Variants in NBEA observed in about 807,000 individuals in gnomAD.
NBEA encodes the protein neurobeachin, also known as lysosomal-trafficking regulator 2.
Under a neutral mutation model 343.4 loss-of-function variants are expected in NBEA, and 44 were observed. The observed-to-expected ratio is 0.13, with a 90% CI of 0.10 to 0.16. The LOEUF (loss-of-function observed/expected upper bound fraction) is 0.16, where lower values mean the gene tolerates loss of function less well. NBEA is among the 10% of genes least tolerant of loss of function. NBEA has a pLI of 1.00. For missense variants in NBEA, 2,555 were observed against 3,631.3 expected, an observed-to-expected ratio of 0.70 and a Z score of 7.62; for synonymous variants, 1,175 against 1,238.7, an observed-to-expected ratio of 0.95 and a Z score of 1.08.
chr13:35,431,106 T>A (rs987020548), intron 38 of NBEA, among the ~76,000 whole-genome samples: 3 of 151,974 alleles, frequency 2.0e-5, no homozygotes, highest in African/African-American at 7.2e-5. Context: ...ATCCATAGCT[T>A]TTTTTTGAAA....
At chr13:35,164,282 C>T in intron 23 of NBEA, 74 bp from the exon 24 acceptor site, 1 of 1,311,446 alleles carries the variant, frequency 7.6e-7, no homozygotes, top group Non-Finnish European at 1.0e-6. Context: ...TAATTTTTCA[C>T]TTGTTATTCT....
intron 45 of NBEA, among the ~76,000 whole-genome samples, chr13:35,576,844 A>G (rs2153033575): frequency 6.6e-6 from 1 of 152,312 alleles, no homozygotes; most frequent in East Asian, 1.9e-4. Context: ...AAACTTAATA[A>G]TTTTTGACAA....
At chr13:35,329,054 CA>C (rs1421809341) in intron 36 of NBEA, among the ~76,000 whole-genome samples, 2 of 151,770 alleles carry the variant, frequency 1.3e-5, no homozygotes, top group African/African-American at 4.8e-5. Flanking sequence ...GACACTACAC[CA>C]AAGAAGATAT....
intron 41 of NBEA, among the ~76,000 whole-genome samples, chr13:35,495,511 TG>T (rs2152976411): frequency 6.6e-6 from 1 of 152,106 alleles, no homozygotes; most frequent in South Asian, 2.1e-4. Context: ...TTTACAAGGG[TG>T]TTGCATCCTG....
intron 40 of NBEA, among the ~76,000 whole-genome samples, chr13:35,464,448 G>A (rs886362341): frequency 3.3e-5 from 5 of 152,168 alleles, no homozygotes; most frequent in African/African-American, 1.2e-4. Flanking sequence ...CACTACAGAT[G>A]TCACTGCCAT....
At chr13:35,537,690 A>C (rs1328579440) in intron 41 of NBEA, among the ~76,000 whole-genome samples, 2 of 152,130 alleles carry the variant, frequency 1.3e-5, no homozygotes, top group Non-Finnish European at 2.9e-5. Context: ...TGAACTTGGC[A>C]AATAGGGGAG....
At chr13:35,463,110 C>T (rs1256585015) in intron 40 of NBEA, among the ~76,000 whole-genome samples, 1 of 152,018 alleles carries the variant, frequency 6.6e-6, no homozygotes, top group East Asian at 1.9e-4. Flanking sequence ...CCCTGTGGCA[C>T]AAGGTTTAAA....
At chr13:35,202,249 C>G (rs556798574) in intron 31 of NBEA, among the ~76,000 whole-genome samples, 1 of 152,246 alleles carries the variant, frequency 6.6e-6, no homozygotes, top group East Asian at 1.9e-4. Flanking sequence ...GGGCATAACT[C>G]TGACCAGGTC....
intron 33 of NBEA, 128 bp from the exon 34 acceptor site, chr13:35,232,364 A>G (rs1393634500): frequency 1.1e-5 from 7 of 651,438 alleles, no homozygotes; most frequent in African/African-American, 1.8e-5. Context: ...TTATACATGA[A>G]GCTTGTTATT....
intron 41 of NBEA, among the ~76,000 whole-genome samples, chr13:35,484,779 AC>A (rs1418693984): frequency 6.6e-6 from 1 of 152,124 alleles, no homozygotes; most frequent in Non-Finnish European, 1.5e-5. Flanking sequence ...CATAGATTTT[AC>A]ATTAACACAA....
At position 35,359,971 on chromosome 13, in the gene NBEA, A is replaced by T. The variant is rs532565055; in HGVS notation, c.6179+7648A>T. ...TGACGGTAACTATGTTGATACTTCC[A>T]TTGGAATGTCTTATTTTCATCCTAA... On this transcript the variant is annotated intron_variant, in intron 38 of 58. Coordinates refer to ENST00000379939, the MANE Select transcript of NBEA (RefSeq NM_001385012.1). Among the ~76,000 whole-genome samples the T allele has an allele frequency of 6.6e-5, 10 of 152,044 alleles. No homozygotes were observed. In the East Asian group the frequency reaches 1.7e-3, roughly 26 times the overall value.
At chr13:34,972,180 C>T (rs1186310608) in intron 1 of NBEA, among the ~76,000 whole-genome samples, 1 of 151,374 alleles carries the variant, frequency 6.6e-6, no homozygotes, top group East Asian at 1.9e-4. Flanking sequence ...GTGGAGTATT[C>T]CCCTTACCAT....
At chr13:34,959,709 T>C (rs2059601652) in intron 1 of NBEA, among the ~76,000 whole-genome samples, 1 of 152,104 alleles carries the variant, frequency 6.6e-6, no homozygotes, top group Admixed American at 6.6e-5. Context: ...AATGACATTT[T>C]GGTCTACAAT....
intron 36 of NBEA, among the ~76,000 whole-genome samples, chr13:35,340,051 T>C (rs2039497825): frequency 6.6e-6 from 1 of 152,096 alleles, no homozygotes; most frequent in Non-Finnish European, 1.5e-5. Flanking sequence ...GAGTAGTCAC[T>C]ATGGAAAACA....
chr13:35,412,917 A>G (rs141620411), intron 38 of NBEA, among the ~76,000 whole-genome samples: 1 of 152,274 alleles, frequency 6.6e-6, no homozygotes, highest in African/African-American at 2.4e-5. Flanking sequence ...CATCTGTACA[A>G]TGAATTAATA....
chr13:34,997,745 A>G (rs1021960824), intron 1 of NBEA, among the ~76,000 whole-genome samples: 6 of 152,156 alleles, frequency 3.9e-5, no homozygotes, highest in Non-Finnish European at 5.9e-5. Context: ...TAGTATTCCA[A>G]TTTGCATTCA....
chr13:35,652,063 A>G (rs1416781143), intron 53 of NBEA, among the ~76,000 whole-genome samples, 187 bp downstream of exon 53: 1 of 152,156 alleles, frequency 6.6e-6, no homozygotes. Context: ...TATTAAAGCA[A>G]TCGTTTCTTG....
rs1555299068 is a variant in NBEA at position 35,548,705 on chromosome 13, AAG to A, written c.6586-1768_6586-1767del. Among the ~76,000 whole-genome samples, 170 of 152,298 alleles carry A rather than the reference AAG, an allele frequency of 1.1e-3. 1 individual carries two copies. The highest frequency in any genetic ancestry group is 3.8e-3 in the African/African-American group (156 of 41,550). On this transcript the variant is annotated intron_variant, in intron 41 of 58. Transcript: ENST00000379939. ...AAAATGTTTCCTACTTGACAAAAAA[AAG>A]AGAATTAATCCTGTATCACTATCCC...
rs1418538474 is a variant in NBEA at position 35,402,172 on chromosome 13, CAG to C, written c.6180-30095_6180-30094del. Among the ~76,000 whole-genome samples, 6 of 151,936 alleles carry C rather than the reference CAG, an allele frequency of 3.9e-5. No homozygotes were observed. The East Asian group carries it at 5.8e-4, about 15-fold the overall frequency. ...TAAAATTTAAATATAATTGCAATAA[CAG>C]ATATAAATCTCGAAGTAAATACTTA... On this transcript the variant is annotated intron_variant, in intron 38 of 58. Coordinates refer to ENST00000379939, the MANE Select transcript of NBEA (RefSeq NM_001385012.1).
Sources: gnomAD v4.1 joint callset for allele counts (sites outside exome capture counted in the v4.1 genomes callset) on GRCh38, gnomAD v4.1.1 for gene constraint, MANE v1.5 for transcripts, NCBI Gene and HGNC (gene_info 2026-07-23, HGNC 2026-07-21) for gene names.